Variants in EPG5 observed in about 807,000 individuals in gnomAD.
EPG5 encodes ectopic P granules protein 5 homolog.
Under a neutral mutation model 302.7 loss-of-function variants are expected in EPG5, and 159 were observed. The observed-to-expected ratio is 0.53, with a 90% confidence interval of 0.46 to 0.60. The LOEUF is 0.60. Among genes scored for constraint, EPG5 ranks in the 20% least tolerant of loss-of-function variants. The pLI, the probability that EPG5 is intolerant of heterozygous loss-of-function variation, is 0.00. For synonymous variants in EPG5, 1,158 were observed against 1,136.8 expected, an observed-to-expected ratio of 1.02 and a Z score of -0.37; for missense variants, 2,896 against 3,092.4, an observed-to-expected ratio of 0.94 and a Z score of 1.51.
At chr18:45,964,389 G>A (rs568466475) in intron 1 of EPG5, among the ~76,000 whole-genome samples, 10 of 152,176 alleles carry the variant, frequency 6.6e-5, no homozygotes, top group East Asian at 1.9e-4. Flanking sequence ...TTTAATCCCC[G>A]GAGGCTTTAG....
chr18:45,812,386 A>G, the EPG5 span, among the ~76,000 whole-genome samples: 8 of 152,210 alleles, frequency 5.3e-5, no homozygotes, highest in Admixed American at 5.2e-4. Flanking sequence ...CAAGCTACCA[A>G]TGACTTTCTT....
At chr18:45,910,787 G>A (rs1184082611) in intron 22 of EPG5, 45 bp from the exon 23 acceptor site, 2 of 1,488,816 alleles carry the variant, frequency 1.3e-6, no homozygotes, top group Non-Finnish European at 1.9e-6. Flanking sequence ...AACACAAGAT[G>A]TACTTTCTGT....
At position 45,857,882 on chromosome 18, in the gene EPG5, C is replaced by T. The variant is rs2048548804; in HGVS notation, c.7413G>A (p.Gly2471=). 4 of 1,612,194 alleles carry T rather than the reference C, an allele frequency of 2.5e-6. No individual in the cohort carries two copies. The highest frequency in any genetic ancestry group is 1.7e-5 in the Admixed American group (1 of 60,004). The change falls in exon 42 of 44, where the codon GGG becomes GGA. Residue 2471 remains glycine (G), a synonymous_variant. Coordinates refer to ENST00000282041, the MANE Select transcript of EPG5 (RefSeq NM_020964.3). The part of the protein sequence containing the change: ...RLSSGILGAI[G]FGRKSPLSNR... ...TAGACAAAGGCGACTTCCGGCCAAA[C>T]CCAATTGCCCCCAGGATCCCAGAGC... is the stretch of plus-strand genomic sequence containing the variant.
intron 19 of EPG5, 41 bp from the exon 20 acceptor site, chr18:45,915,662 G>C: frequency 6.8e-7 from 1 of 1,479,502 alleles, no homozygotes; most frequent in Non-Finnish European, 9.4e-7. Flanking sequence ...AGGTTTTAAG[G>C]AAAATCTTAT....
the EPG5 span, chr18:45,842,444 A>T: frequency 0.018 from 4,056 of 220,484 alleles, 9 homozygotes; most frequent in Middle Eastern, 0.058. Flanking sequence ...TGTGTGTGTG[A>T]GAGAGAGAGA....
In EPG5 at chr18:45,858,577, C is replaced by T. The variant is rs762177464; in HGVS notation, c.7215G>A (p.Gln2405=). Residue 2405 remains glutamine (Q), a synonymous_variant, in exon 41 of 44, where the codon CAG becomes CAA. Transcript: ENST00000282041. Reference sequence around the variant, plus strand: ...GAGGGCCAACGTACCTTGGGTACACCTGTTCCAGCCACTTGCTTAAGATGA... The same window carrying T: ...GAGGGCCAACGTACCTTGGGTACACTTGTTCCAGCCACTTGCTTAAGATGA... The part of the protein sequence containing the change: ...VLLILSKWLE[Q]VYPSSVEEEA... The T allele has an allele frequency of 1.9e-6, 3 of 1,613,950 alleles. No homozygotes were observed. Among genetic ancestry groups the T allele is most frequent in the African/African-American group, 1.3e-5 (1 of 74,904 alleles).
the EPG5 span, among the ~76,000 whole-genome samples, chr18:45,801,458 G>A: frequency 6.6e-6 from 1 of 152,170 alleles, no homozygotes; most frequent in African/African-American, 2.4e-5. Flanking sequence ...ATTTGATGGA[G>A]GGTGCTGGTG....
At chr18:45,884,070 A>ATG (rs2049164378) in intron 30 of EPG5, among the ~76,000 whole-genome samples, 1 of 152,122 alleles carries the variant, frequency 6.6e-6, no homozygotes, top group Admixed American at 6.5e-5. Context: ...TTAAAAAAGG[A>ATG]TGTACTAAAC....
In EPG5 at chr18:45,870,650, G is replaced by A. The variant is rs775685717; in HGVS notation, c.6142C>T (p.Leu2048=). The change falls in exon 36 of 44, where the codon CTG becomes TTG. Residue 2048 remains leucine, a synonymous_variant. Transcript: ENST00000282041. ...CGGTACGTGCTATGGAAAGCGTACA[G>A]AATGAACTCTGGCATTTTGGGTGCT... ...CTAPKMPEFI[L]YAFHSTYRKL... is the part of the protein sequence containing the mutation. 5 of 1,614,100 alleles carry A rather than the reference G, an allele frequency of 3.1e-6. No individual in the cohort carries two copies. The highest frequency in any genetic ancestry group is 4.2e-6 in the Non-Finnish European group (5 of 1,179,986).
chr18:45,858,870 G>GA, intron 40 of EPG5, 88 bp from the exon 41 acceptor site: 2 of 1,032,308 alleles, frequency 1.9e-6, no homozygotes, highest in Non-Finnish European at 2.9e-6. Context: ...TAAGCTTCAT[G>GA]ATTTTTTTTT....
chr18:45,960,176 T>C (rs2051118252), intron 1 of EPG5, among the ~76,000 whole-genome samples: 1 of 152,180 alleles, frequency 6.6e-6, no homozygotes, highest in South Asian at 2.1e-4. Context: ...ATAATAATCA[T>C]TACAGATCAC....
chr18:45,867,927 G>A (rs139353841), intron 36 of EPG5, 179 bp from the exon 37 acceptor site: 6 of 687,124 alleles, frequency 8.7e-6, no homozygotes, highest in South Asian at 7.5e-5. Flanking sequence ...TCCTTCCACA[G>A]TGTATGTGTG....
chr18:45,960,589 T>C lies in EPG5; in HGVS notation c.64-5251A>G, dbSNP rs191513701. ...TAATGAGTAAATTTTACAAAAAGAGTTGATAAATAGAGAAAAACATGCTTA... is the reference window on the plus strand; with the variant it reads ...TAATGAGTAAATTTTACAAAAAGAGCTGATAAATAGAGAAAAACATGCTTA... On this transcript the variant is annotated intron_variant, in intron 1 of 43. Transcript: ENST00000282041. 4.7e-4 allele frequency among the ~76,000 whole-genome samples: 72 copies of C among 151,916 alleles called. No homozygotes were observed. In the East Asian group the frequency reaches 0.011, roughly 22 times the overall value.
At chr18:45,883,988 C>T (rs1320446579) in intron 30 of EPG5, among the ~76,000 whole-genome samples, 2 of 151,610 alleles carry the variant, frequency 1.3e-5, no homozygotes, top group East Asian at 1.9e-4. Context: ...TTAGATCCAG[C>T]TTATTCTAAA....
chr18:45,859,335 G>A (rs185492487), intron 40 of EPG5, among the ~76,000 whole-genome samples: 14 of 152,274 alleles, frequency 9.2e-5, no homozygotes, highest in Admixed American at 5.9e-4. Context: ...TTGGGGGAGC[G>A]AGGGTGGGGT....
chr18:45,946,852 A>T (rs1180785015), intron 6 of EPG5, 84 bp from the exon 7 acceptor site: 1 of 1,034,442 alleles, frequency 9.7e-7, no homozygotes, highest in Admixed American at 1.9e-5. Context: ...CCTGAAGAAG[A>T]GCCACACATC....
chr18:45,832,322 T>C, the EPG5 span, among the ~76,000 whole-genome samples: 3 of 150,624 alleles, frequency 2.0e-5, no homozygotes, highest in Non-Finnish European at 4.4e-5. Flanking sequence ...CAGGCACAGA[T>C]TGGGTGCTTG....
chr18:45,860,092 ACCT>A lies in EPG5; in HGVS notation c.7009+9_7009+11del. 1.2e-6 allele frequency: 2 copies of A among 1,613,950 alleles called. No individual in the cohort carries two copies. Among genetic ancestry groups the A allele is most frequent in the Non-Finnish European group, 1.7e-6 (2 of 1,179,944 alleles). On this transcript the variant is annotated intron_variant, in intron 40 of 43. Coordinates refer to ENST00000282041, the MANE Select transcript of EPG5 (RefSeq NM_020964.3). ...GACCAATACAATGGAGCGTAAGATG[ACCT>A]CCTCTTACTTTCTTTGAAGTAGGCA...
chr18:45,879,335 A>G (rs964608892), intron 32 of EPG5, 121 bp from the exon 33 acceptor site: 1 of 659,454 alleles, frequency 1.5e-6, no homozygotes, highest in African/African-American at 1.8e-5. Flanking sequence ...TGGCAAAAAT[A>G]TAAAGCATAT....
Sources: allele counts gnomAD v4.1 joint callset (sites outside exome capture counted in the v4.1 genomes callset), GRCh38; gene constraint gnomAD v4.1.1; transcripts MANE v1.5; gene names NCBI Gene and HGNC (gene_info 2026-07-23, HGNC 2026-07-21).